The following CPN2 variants were observed in gnomAD, a reference collection of about 807,000 sequenced individuals.
The protein encoded by CPN2 is carboxypeptidase N subunit 2.
For missense variants in CPN2, 620 were observed against 671.4 expected, an observed-to-expected ratio of 0.92 and a Z score of 0.85; for synonymous variants, 336 against 318.4, an observed-to-expected ratio of 1.06 and a Z score of -0.59.
At chr3:194,350,195 C>T (rs1413506421) in intron 1 of CPN2, among the ~76,000 whole-genome samples, 4 of 152,184 alleles carry the variant, frequency 2.6e-5, no homozygotes, top group Non-Finnish European at 5.9e-5. Flanking sequence ...CGACTGAGCC[C>T]GTGGTACTGC....
intron 1 of CPN2, among the ~76,000 whole-genome samples, chr3:194,346,577 T>C (rs1404367565): frequency 6.6e-6 from 1 of 152,100 alleles, no homozygotes; most frequent in Non-Finnish European, 1.5e-5. Context: ...AAATCCTAAC[T>C]CCCCTCCAGC....
At chr3:194,344,423 G>A (rs1712976968) in intron 1 of CPN2, among the ~76,000 whole-genome samples, 1 of 152,228 alleles carries the variant, frequency 6.6e-6, no homozygotes, top group African/African-American at 2.4e-5. Context: ...GCGGCCAGGC[G>A]CAGTGGCTCA....
chr3:194,341,695 C>T lies in CPN2; in HGVS notation c.1008G>A (p.Leu336=). The T allele has an allele frequency of 6.2e-7, 1 of 1,614,160 alleles. No homozygotes were observed. Among genetic ancestry groups the T allele is most frequent in the Non-Finnish European group, 8.5e-7 (1 of 1,180,038 alleles). Residue 336 remains leucine (L), a synonymous_variant, in exon 2 of 2, where the codon CTG becomes CTA. Coordinates refer to ENST00000323830, the MANE Select transcript of CPN2 (RefSeq NM_001080513.4). ...CCAGGTAGAGTTTGACCAACTCCTCCAGGTCTCTGAAGATGCCAGCTGGGA... is the reference window on the plus strand; with the variant it reads ...CCAGGTAGAGTTTGACCAACTCCTCTAGGTCTCTGAAGATGCCAGCTGGGA... ...THLPAGIFRD[L]EELVKLYLGS... is the part of the protein sequence containing the mutation.
chr3:194,340,926 AC>A lies in CPN2; in HGVS notation c.*138del, dbSNP rs1712777039. 11 of 1,326,378 alleles carry A rather than the reference AC, an allele frequency of 8.3e-6. No homozygotes were observed. The highest frequency in any genetic ancestry group is 5.7e-5 in the Admixed American group (2 of 34,834). 82.2% of individuals were successfully genotyped at this position (1,326,378 alleles called of 1,614,324 possible). On this transcript the variant is annotated 3_prime_UTR_variant, in exon 2 of 2. Transcript: ENST00000323830. ...TGGTTAGTGGAGCAGACCAGACTCC[AC>A]CCCCTCACCTTGGGGATGTAACCCT... is the stretch of plus-strand genomic sequence containing the variant.
rs1337613123 is a variant in CPN2, at chr3:194,341,075, G to C, written c.1628C>G (p.Ala543Gly). ...RLTVSIEARA[A>G]GP ...CTGTATGCGCTGCTACTAGGGCCCTGCTGCCCGAGCCTCGATAGACACGGT... is the reference window on the plus strand; with the variant it reads ...CTGTATGCGCTGCTACTAGGGCCCTCCTGCCCGAGCCTCGATAGACACGGT... Residue 543 changes from alanine to glycine, a missense_variant, in exon 2 of 2, where the codon GCA becomes GGA. Physicochemically the swap from Ala to Gly is moderately conservative, Grantham distance 60. Transcript: ENST00000323830. The C allele has an allele frequency of 6.2e-7, 1 of 1,600,496 alleles. No homozygotes were observed. Among genetic ancestry groups the C allele is most frequent in the Admixed American group, 1.7e-5 (1 of 59,690 alleles).
chr3:194,345,876 C>T (rs1454081883), intron 1 of CPN2, among the ~76,000 whole-genome samples: 2 of 152,240 alleles, frequency 1.3e-5, no homozygotes, highest in Non-Finnish European at 2.9e-5. Context: ...ACTTTTCATC[C>T]GTTGTCTTTG....
rs751168119 is a variant in CPN2, at chr3:194,342,442, C to CT, written c.260dup (p.Phe88ValfsTer2). ...GCCCCCCGAAGGCATCCGGCCTAAA[C>CT]TGGCAGAGCTGAGTGTTGAGGAAGA... On this transcript the variant is annotated frameshift_variant, in exon 2 of 2. Transcript: ENST00000323830. LOFTEE classifies it low-confidence loss of function (END_TRUNC). 3 of 1,614,264 alleles carry CT rather than the reference C, an allele frequency of 1.9e-6. No homozygotes were observed. Among genetic ancestry groups the CT allele is most frequent in the Non-Finnish European group, 2.5e-6 (3 of 1,180,048 alleles).
chr3:194,349,322 T>C (rs1427560408), intron 1 of CPN2, among the ~76,000 whole-genome samples: 1 of 152,104 alleles, frequency 6.6e-6, no homozygotes, highest in Non-Finnish European at 1.5e-5. Context: ...GATCGCACTA[T>C]TGCACTCCAG....
Position 194,342,387 on chromosome 3 carries a change from C to T in CPN2, c.316G>A (p.Gly106Ser), listed in dbSNP as rs1215516887. Reference protein sequence around the residue: ...LPRLEDLEVTGSSFLNLSTNI... With the variant: ...LPRLEDLEVTSSSFLNLSTNI... Reference sequence around the variant, plus strand: ...GTGCTGAGGTTCAAGAAGCTACTGCCTGTGACCTCCAGGTCCTCCAGCCTG... The same window carrying T: ...GTGCTGAGGTTCAAGAAGCTACTGCTTGTGACCTCCAGGTCCTCCAGCCTG... The change falls in exon 2 of 2, where the codon GGC (glycine) becomes AGC (serine). Residue 106 changes from glycine (G) to serine (S), a missense_variant. Gly to Ser is a moderately conservative substitution (Grantham distance 56, BLOSUM62 0). Transcript: ENST00000323830. 5 of 1,614,022 alleles carry T rather than the reference C, an allele frequency of 3.1e-6. No individual in the cohort carries two copies. Among genetic ancestry groups the T allele is most frequent in the African/African-American group, 1.3e-5 (1 of 74,912 alleles).
intron 1 of CPN2, among the ~76,000 whole-genome samples, chr3:194,346,327 C>T (rs951292323): frequency 6.6e-6 from 1 of 152,250 alleles, no homozygotes; most frequent in African/African-American, 2.4e-5. Context: ...TCCAGACGGA[C>T]ATGTGCCCTT....
At chr3:194,350,044 C>T (rs1392014326) in intron 1 of CPN2, among the ~76,000 whole-genome samples, 3 of 152,074 alleles carry the variant, frequency 2.0e-5, no homozygotes, top group African/African-American at 7.2e-5. Flanking sequence ...TCAGGTGATC[C>T]GCCTGCCTCG....
chr3:194,340,904 T>A lies in CPN2; in HGVS notation c.*161A>T. Reference sequence around the variant, plus strand: ...AAGGAAGAGGAGGAGGAGACCCTGGTTAGTGGAGCAGACCAGACTCCACCC... The same window carrying A: ...AAGGAAGAGGAGGAGGAGACCCTGGATAGTGGAGCAGACCAGACTCCACCC... On this transcript the variant is annotated 3_prime_UTR_variant, in exon 2 of 2. Coordinates refer to ENST00000323830, the MANE Select transcript of CPN2 (RefSeq NM_001080513.4). 1 of 1,105,984 alleles carries A rather than the reference T, an allele frequency of 9.0e-7. No individual in the cohort carries two copies. Among genetic ancestry groups the A allele is most frequent in the Non-Finnish European group, 1.2e-6 (1 of 805,248 alleles). The allele number at this position is 1,105,984 out of a possible 1,614,324, so 68.5% of individuals were successfully genotyped here. A position where few individuals can be genotyped will look rare whatever the true frequency, so the allele number is the denominator to read the frequency against.
intron 1 of CPN2, among the ~76,000 whole-genome samples, chr3:194,350,114 C>T (rs548257631): frequency 3.4e-4 from 51 of 152,142 alleles, no homozygotes; most frequent in Non-Finnish European, 4.9e-4. Context: ...TTCTTGGGTC[C>T]TCGGATCCCT....
rs769880346 is a variant in CPN2, at chr3:194,341,105, C to T, written c.1598G>A (p.Arg533Gln). ...WDLRSSCGSL[R>Q]LTVSIEARAA... is the part of the protein sequence containing the mutation. ...CCGAGCCTCGATAGACACGGTGAGC[C>T]GCAGAGAACCGCAGCTCGACCTCAG... Residue 533 changes from arginine to glutamine, a missense_variant, in exon 2 of 2, where the codon CGG (arginine) becomes CAG (glutamine). Transcript: ENST00000323830. The T allele has an allele frequency of 1.2e-5, 19 of 1,609,942 alleles. No homozygotes were observed. The highest frequency in any genetic ancestry group is 1.7e-4 in the Middle Eastern group (1 of 5,766).
In CPN2 at chr3:194,341,646, G is replaced by A; in HGVS notation, c.1057C>T (p.His353Tyr). ...YLGSNNLTALHPALFQNLSKL... is the reference protein window; with the variant it reads ...YLGSNNLTALYPALFQNLSKL... ...GACAGGTTCTGGAAGAGGGCTGGGT[G>A]CAGCGCCGTAAGGTTGTTGCTGCCC... is the stretch of plus-strand genomic sequence containing the variant. The change falls in exon 2 of 2, where the codon CAC (histidine) becomes TAC (tyrosine). Residue 353 changes from histidine (H) to tyrosine (Y), a missense_variant. His to Tyr is a moderately conservative substitution (Grantham distance 83). Coordinates refer to ENST00000323830, the MANE Select transcript of CPN2 (RefSeq NM_001080513.4). 6.2e-7 allele frequency: 1 copy of A among 1,614,196 alleles called. No individual in the cohort carries two copies. Among genetic ancestry groups the A allele is most frequent in the Non-Finnish European group, 8.5e-7 (1 of 1,180,038 alleles).
intron 1 of CPN2, among the ~76,000 whole-genome samples, chr3:194,349,775 C>CTTTTTTT (rs1560039932): frequency 1.2e-5 from 1 of 83,780 alleles, no homozygotes; most frequent in African/African-American, 4.6e-5. Flanking sequence ...TGACTACCCT[C>CTTTTTTT]TTCTTTTTTT....
chr3:194,341,761 G>A lies in CPN2; in HGVS notation c.942C>T (p.Asn314=). ...TGTATGAGAGCATGAGGGAACGCAG[G>A]TTGGACAGGTGGGCAAAGGTGCCCT... The part of the protein sequence containing the change: ...VAEGTFAHLS[N]LRSLMLSYNA... Residue 314 remains asparagine, a synonymous_variant, in exon 2 of 2, where the codon AAC becomes AAT. Transcript: ENST00000323830. The A allele has an allele frequency of 2.5e-6, 4 of 1,614,140 alleles. No individual in the cohort carries two copies. The highest frequency in any genetic ancestry group is 2.5e-6 in the Non-Finnish European group (3 of 1,180,036).
intron 1 of CPN2, among the ~76,000 whole-genome samples, chr3:194,350,730 C>T (rs1713236299): frequency 6.6e-6 from 1 of 152,064 alleles, no homozygotes; most frequent in African/African-American, 2.4e-5. Context: ...GTGGCATGCG[C>T]TTGTAATCCC....
intron 1 of CPN2, among the ~76,000 whole-genome samples, chr3:194,350,126 T>C (rs1465700042): frequency 6.6e-6 from 1 of 152,106 alleles, no homozygotes; most frequent in Non-Finnish European, 1.5e-5. Context: ...CGGATCCCTC[T>C]TGTACTGTGT....
Sources: gnomAD v4.1 joint callset for allele counts (sites outside exome capture counted in the v4.1 genomes callset) on GRCh38, gnomAD v4.1.1 for gene constraint, MANE v1.5 for transcripts, NCBI Gene and HGNC (gene_info 2026-07-23, HGNC 2026-07-21) for gene names.